The following NUFIP2 variants were observed in gnomAD, a reference collection of about 807,000 sequenced individuals.
NUFIP2 encodes FMR1-interacting protein NUFIP2.
Under a neutral mutation model 56.9 loss-of-function variants are expected in NUFIP2, and 6 were observed. That is an observed-to-expected ratio of 0.11 (90% CI 0.06 to 0.21). The LOEUF is 0.21. Among genes scored for constraint, NUFIP2 ranks in the 10% least tolerant of loss-of-function variants. NUFIP2 has a pLI of 1.00. For missense variants in NUFIP2, 828 were observed against 826.8 expected, an observed-to-expected ratio of 1.00 and a Z score of -0.02; for synonymous variants, 321 against 298.2, an observed-to-expected ratio of 1.08 and a Z score of -0.79.
intron 2 of NUFIP2, 26 bp downstream of exon 2, chr17:29,285,966 C>T (rs377725896): frequency 6.5e-7 from 1 of 1,550,364 alleles, no homozygotes; most frequent in South Asian, 1.2e-5. Context: ...CAATAAAAAT[C>T]TTTGTATAGG....
chr17:29,288,791 G>C (rs2069193428), intron 1 of NUFIP2, among the ~76,000 whole-genome samples: 2 of 152,172 alleles, frequency 1.3e-5, no homozygotes, highest in Non-Finnish European at 2.9e-5. Flanking sequence ...GATGCAATGA[G>C]AAAATATTTA....
rs1045936992 is a variant in NUFIP2, at chr17:29,262,731, A to T, written c.*1808T>A. On this transcript the variant is annotated 3_prime_UTR_variant, in exon 4 of 4. Coordinates refer to ENST00000225388, the MANE Select transcript of NUFIP2 (RefSeq NM_020772.3). ...CTGGACTGATACAATAAGTTATTTTATATATATATATATATATTATGTATA... is the reference window on the plus strand; with the variant it reads ...CTGGACTGATACAATAAGTTATTTTTTATATATATATATATATTATGTATA... 1.5e-4 allele frequency: 13 copies of T among 89,044 alleles called. No individual in the cohort carries two copies. Among genetic ancestry groups the T allele is most frequent in the South Asian group, 4.7e-4 (1 of 2,106 alleles). The allele number at this position is 89,044 out of a possible 1,614,324, so 5.5% of individuals were successfully genotyped here. A position where few individuals can be genotyped will look rare whatever the true frequency, so the allele number is the denominator to read the frequency against.
chr17:29,276,041 T>TATATATATATATATATATATATATAC (rs1469455660), intron 2 of NUFIP2, among the ~76,000 whole-genome samples: 1 of 149,976 alleles, frequency 6.7e-6, no homozygotes, highest in Non-Finnish European at 1.5e-5. Flanking sequence ...TATATATATA[T>TATATATATATATATATATATATATAC]ATATATATCT....
In NUFIP2 at chr17:29,286,787, T is replaced by A; in HGVS notation, c.1207A>T (p.Met403Leu). Residue 403 changes from methionine to leucine, a missense_variant, in exon 2 of 4, where the codon ATG becomes TTG. Transcript: ENST00000225388. ...QSSSRLSQVP[M>L]SALKSVTSAN... Reference sequence around the variant, plus strand: ...GAAGTAACAGATTTCAGCGCTGACATAGGGACCTGGGATAAGCGACTTGAT... The same window carrying A: ...GAAGTAACAGATTTCAGCGCTGACAAAGGGACCTGGGATAAGCGACTTGAT... The A allele has an allele frequency of 6.2e-7, 1 of 1,614,096 alleles. No homozygotes were observed.
At chr17:29,273,921 G>A (rs959098933) in intron 2 of NUFIP2, among the ~76,000 whole-genome samples, 2 of 151,664 alleles carry the variant, frequency 1.3e-5, no homozygotes, top group African/African-American at 4.8e-5. Flanking sequence ...TTTTCCACAA[G>A]TTCTTAATTC....
At chr17:29,285,283 G>C (rs1387722580) in intron 2 of NUFIP2, among the ~76,000 whole-genome samples, 1 of 149,900 alleles carries the variant, frequency 6.7e-6, no homozygotes, top group Non-Finnish European at 1.5e-5. Context: ...CTGGGTGAGA[G>C]AGTGAGACTC....
chr17:29,265,023 G>A (rs1307587047), intron 3 of NUFIP2, among the ~76,000 whole-genome samples: 2 of 152,120 alleles, frequency 1.3e-5, no homozygotes, highest in Non-Finnish European at 2.9e-5. Flanking sequence ...ACCAGTGTGG[G>A]AACTATCTAA....
In NUFIP2 at chr17:29,287,085, G is replaced by A; in HGVS notation, c.909C>T (p.Ser303=). The A allele has an allele frequency of 6.2e-7, 1 of 1,614,166 alleles. No homozygotes were observed. The highest frequency in any genetic ancestry group is 8.5e-7 in the Non-Finnish European group (1 of 1,180,044). The change falls in exon 2 of 4, where the codon AGC becomes AGT. Residue 303 remains serine (S), a synonymous_variant. Coordinates refer to ENST00000225388, the MANE Select transcript of NUFIP2 (RefSeq NM_020772.3). ...KPAVGDMLRK[S]SDSKPGVSSK... ...TGCTCACACCAGGTTTACTATCTGA[G>A]CTTTTCCGAAGCATATCACCCACAG...
chr17:29,265,699 AGTATACAT>A (rs1598429246), intron 3 of NUFIP2, among the ~76,000 whole-genome samples: 1 of 138,826 alleles, frequency 7.2e-6, no homozygotes, highest in East Asian at 2.2e-4. Flanking sequence ...AACTTTTTCA[AGTATACAT>A]GCTTAAAAAA....
chr17:29,259,154 G>A lies in NUFIP2; in HGVS notation c.*5385C>T, dbSNP rs948214173. 6.6e-6 allele frequency: 1 copy of A among 152,158 alleles called. No homozygotes were observed. Among genetic ancestry groups the A allele is most frequent in the African/African-American group, 2.4e-5 (1 of 41,420 alleles). The allele number at this position is 152,158 out of a possible 1,614,324, so 9.4% of individuals were successfully genotyped here. A position where few individuals can be genotyped will look rare whatever the true frequency, so the allele number is the denominator to read the frequency against. ...CTTTGATTAGCACCTGAGGAAAAAA[G>A]GGTACATGGAAAGCTATGTAATTTG... On this transcript the variant is annotated 3_prime_UTR_variant, in exon 4 of 4. Coordinates refer to ENST00000225388, the MANE Select transcript of NUFIP2 (RefSeq NM_020772.3).
chr17:29,279,542 G>C (rs1478649400), intron 2 of NUFIP2, among the ~76,000 whole-genome samples: 2 of 152,090 alleles, frequency 1.3e-5, no homozygotes, highest in Non-Finnish European at 2.9e-5. Context: ...ACCAACTGTT[G>C]TATGTTTTTG....
rs1303659699 is a variant in NUFIP2 at position 29,259,899 on chromosome 17, C to T, written c.*4640G>A. On this transcript the variant is annotated 3_prime_UTR_variant, in exon 4 of 4. Coordinates refer to ENST00000225388, the MANE Select transcript of NUFIP2 (RefSeq NM_020772.3). The stretch of plus-strand genomic sequence containing the variant: ...GTGTGAAATTTAAAACTCAGTAAAG[C>T]AATGCTTTTGAGTGGAGCCAATGAT... 2 of 152,120 alleles carry T rather than the reference C, an allele frequency of 1.3e-5. No individual in the cohort carries two copies. The highest frequency in any genetic ancestry group is 2.9e-5 in the Non-Finnish European group (2 of 68,030). 9.4% of individuals were successfully genotyped at this position (152,120 alleles called of 1,614,324 possible). A position where few individuals can be genotyped will look rare whatever the true frequency, so the allele number is the denominator to read the frequency against.
At chr17:29,275,031 T>G (rs1011609547) in intron 2 of NUFIP2, among the ~76,000 whole-genome samples, 2 of 148,190 alleles carry the variant, frequency 1.3e-5, no homozygotes, top group Admixed American at 1.3e-4. Flanking sequence ...CAGTTTTTTT[T>G]TTGTTTTTTT....
rs368974212 is a variant in NUFIP2, at chr17:29,286,860, A to C, written c.1134T>G (p.Thr378=). ...KTIQNSSVSP[T]SSSSSSSSTG... ...TAGATGATGAAGATGATGAAGATGA[A>C]GTTGGTGACACAGAAGAGTTCTGTA... is the stretch of plus-strand genomic sequence containing the variant. Residue 378 remains threonine (T), a synonymous_variant, in exon 2 of 4, where the codon ACT becomes ACG. Transcript: ENST00000225388. 3 of 1,614,148 alleles carry C rather than the reference A, an allele frequency of 1.9e-6. No homozygotes were observed. Among genetic ancestry groups the C allele is most frequent in the Non-Finnish European group, 2.5e-6 (3 of 1,180,016 alleles).
chr17:29,267,379 T>A, intron 3 of NUFIP2, 119 bp downstream of exon 3: 1 of 613,872 alleles, frequency 1.6e-6, no homozygotes. Flanking sequence ...TTGCAGTTAT[T>A]AAATAACTCA....
rs933409268 is a variant in NUFIP2, at chr17:29,256,130, A to T, written c.*8409T>A. The T allele has an allele frequency of 6.6e-6, 1 of 152,234 alleles. No individual in the cohort carries two copies. Among genetic ancestry groups the T allele is most frequent in the Non-Finnish European group, 1.5e-5 (1 of 68,022 alleles). 9.4% of individuals were successfully genotyped at this position (152,234 alleles called of 1,614,324 possible). A position where few individuals can be genotyped will look rare whatever the true frequency, so the allele number is the denominator to read the frequency against. ...CTGTTCTTATATGTAGAAAAGACCTATATTTTTGACTGGGCAAAACAAACA... is the reference window on the plus strand; with the variant it reads ...CTGTTCTTATATGTAGAAAAGACCTTTATTTTTGACTGGGCAAAACAAACA... On this transcript the variant is annotated 3_prime_UTR_variant, in exon 4 of 4. Coordinates refer to ENST00000225388, the MANE Select transcript of NUFIP2 (RefSeq NM_020772.3).
chr17:29,275,225 T>C (rs914836050), intron 2 of NUFIP2, among the ~76,000 whole-genome samples: 3 of 152,110 alleles, frequency 2.0e-5, no homozygotes, highest in African/African-American at 7.2e-5. Context: ...GGTTTCACCA[T>C]GCTGGCCAGG....
In NUFIP2 at chr17:29,293,791, T is replaced by C. The variant is rs1250718239; in HGVS notation, c.269A>G (p.Lys90Arg). 1 of 1,565,132 alleles carries C rather than the reference T, an allele frequency of 6.4e-7. No homozygotes were observed. The highest frequency in any genetic ancestry group is 1.8e-5 in the Admixed American group (1 of 57,042). Residue 90 changes from lysine to arginine, a missense_variant, in exon 1 of 4, where the codon AAG becomes AGG. This residue lies in a region of NUFIP2 where 415 missense variants were observed against 408.7 expected (regional missense o/e 1.02). Transcript: ENST00000225388. ...TLQQHQETPK[K>R]KTGYGELNGN... is the part of the protein sequence containing the mutation. ...CGTCCTCCCTCCCAGACCTGTTTTC[T>C]TCTTCGGCGTTTCCTGGTGCTGCTG... is the stretch of plus-strand genomic sequence containing the variant.
chr17:29,281,797 C>T lies in NUFIP2; in HGVS notation c.2002+4195G>A, dbSNP rs144005367. On this transcript the variant is annotated intron_variant, in intron 2 of 3. Transcript: ENST00000225388. The stretch of plus-strand genomic sequence containing the variant: ...CTTTTTTTTTTTAGAAGGAGCCTTG[C>T]TCTGTCGTCCAGGCTGGAGTGCAGT... Among the ~76,000 whole-genome samples, 27 of 147,500 alleles carry T rather than the reference C, an allele frequency of 1.8e-4. 3 individuals are homozygous for T. In the East Asian group the frequency reaches 5.6e-3, roughly 31 times the overall value.
Sources: allele counts gnomAD v4.1 joint callset (sites outside exome capture counted in the v4.1 genomes callset), GRCh38; gene constraint gnomAD v4.1.1; regional missense constraint gnomAD v4.1.1; transcripts MANE v1.5; gene names NCBI Gene and HGNC (gene_info 2026-07-23, HGNC 2026-07-21).